The following CACNA2D3 variants were observed in gnomAD, a reference collection of about 807,000 sequenced individuals.
CACNA2D3 encodes calcium voltage-gated channel auxiliary subunit alpha2delta 3, also known as voltage-dependent calcium channel subunit alpha-2/delta-3.
In CACNA2D3, 60 loss-of-function variants were observed where a neutral mutation model predicts 160.6. The ratio of observed to expected loss-of-function variants is 0.37; its 90% confidence interval spans 0.30 to 0.46. CACNA2D3 has a LOEUF of 0.46. Ranked by LOEUF, CACNA2D3 falls within the 20% of genes least tolerant of loss-of-function variation. The pLI, the probability that CACNA2D3 is intolerant of heterozygous loss-of-function variation, is 1.00. For synonymous variants in CACNA2D3, 558 were observed against 492.9 expected, an observed-to-expected ratio of 1.13 and a Z score of -1.75; for missense variants, 1,205 against 1,365.0, an observed-to-expected ratio of 0.88 and a Z score of 1.85.
intron 9 of CACNA2D3, among the ~76,000 whole-genome samples, chr3:54,585,289 A>G (rs924084295): frequency 6.6e-6 from 1 of 152,210 alleles, no homozygotes; most frequent in Non-Finnish European, 1.5e-5. Flanking sequence ...TTCAGTGGAA[A>G]TGGTAAATAC....
rs181336922 is a variant in CACNA2D3 at position 54,580,537 on chromosome 3, T to C, written c.889-1266T>C. Among the ~76,000 whole-genome samples the C allele has an allele frequency of 3.2e-3, 488 of 152,268 alleles. 1 individual carries two copies. The highest frequency in any genetic ancestry group is 5.3e-3 in the Admixed American group (81 of 15,292). On this transcript the variant is annotated intron_variant, in intron 8 of 37. Coordinates refer to ENST00000474759, the MANE Select transcript of CACNA2D3 (RefSeq NM_018398.3). ...TAGCTGGGTCTGGGAGAGATGGTTC[T>C]GTTCTCTTCCCTCAGGAGCTCCGGG...
At chr3:54,853,872 G>A (rs982705543) in intron 17 of CACNA2D3, among the ~76,000 whole-genome samples, 8 of 151,956 alleles carry the variant, frequency 5.3e-5, no homozygotes, top group African/African-American at 9.7e-5. Context: ...CTATGGGGGT[G>A]GGGGGATGGG....
chr3:55,039,872 C>T (rs910593216), intron 35 of CACNA2D3, among the ~76,000 whole-genome samples: 7 of 152,276 alleles, frequency 4.6e-5, no homozygotes, highest in African/African-American at 1.7e-4. Context: ...AGTGCTCATG[C>T]TAATAGTTCT....
intron 31 of CACNA2D3, among the ~76,000 whole-genome samples, chr3:54,997,516 A>G (rs1413189391): frequency 6.6e-6 from 1 of 152,064 alleles, no homozygotes. Context: ...AGCTTGGGCA[A>G]CCACATCCAG....
At chr3:55,052,258 C>G (rs1456825975) in intron 35 of CACNA2D3, among the ~76,000 whole-genome samples, 2 of 152,116 alleles carry the variant, frequency 1.3e-5, no homozygotes, top group Non-Finnish European at 2.9e-5. Flanking sequence ...TTTTCTGTTA[C>G]TGATTTGGAG....
intron 9 of CACNA2D3, among the ~76,000 whole-genome samples, chr3:54,614,764 A>G (rs1031630750): frequency 6.6e-6 from 1 of 152,184 alleles, no homozygotes; most frequent in Non-Finnish European, 1.5e-5. Flanking sequence ...GCAGGAAGCT[A>G]TCAACTACTG....
chr3:55,018,812 G>A (rs1703384216), intron 35 of CACNA2D3, among the ~76,000 whole-genome samples: 1 of 151,876 alleles, frequency 6.6e-6, no homozygotes, highest in Admixed American at 6.6e-5. Flanking sequence ...ATTTCAATTG[G>A]ACAGTTCCCG....
At chr3:54,984,115 A>G (rs1454783622) in intron 29 of CACNA2D3, among the ~76,000 whole-genome samples, 3 of 152,184 alleles carry the variant, frequency 2.0e-5, no homozygotes, top group Non-Finnish European at 4.4e-5. Context: ...GTCTATGAAC[A>G]AATTAAAAAA....
intron 11 of CACNA2D3, among the ~76,000 whole-genome samples, chr3:54,742,617 G>A (rs1159948573): frequency 1.3e-5 from 2 of 152,118 alleles, no homozygotes; most frequent in African/African-American, 4.8e-5. Flanking sequence ...CTGTTACAAA[G>A]TGTAGGGAAA....
chr3:55,013,624 G>A (rs971684424), intron 34 of CACNA2D3, among the ~76,000 whole-genome samples: 3 of 152,034 alleles, frequency 2.0e-5, no homozygotes, highest in African/African-American at 2.4e-5. Flanking sequence ...CTTTGTTTTA[G>A]CTAAAAATGG....
At chr3:54,851,052 G>A (rs972364333) in intron 17 of CACNA2D3, among the ~76,000 whole-genome samples, 4 of 152,200 alleles carry the variant, frequency 2.6e-5, no homozygotes, top group Non-Finnish European at 5.9e-5. Flanking sequence ...GATACGATAC[G>A]TGTATCAGTA....
At chr3:54,941,944 A>G (rs182496015) in intron 27 of CACNA2D3, among the ~76,000 whole-genome samples, 1 of 152,228 alleles carries the variant, frequency 6.6e-6, no homozygotes, top group African/African-American at 2.4e-5. Flanking sequence ...TGAAATGGCA[A>G]TGACAGCTGC....
chr3:54,525,878 A>C (rs1701716076), intron 5 of CACNA2D3, among the ~76,000 whole-genome samples: 1 of 151,822 alleles, frequency 6.6e-6, no homozygotes, highest in Admixed American at 6.6e-5. Context: ...ATTATTTTTC[A>C]ATAATTTTAG....
At chr3:54,299,732 C>T (rs372599367) in intron 2 of CACNA2D3, among the ~76,000 whole-genome samples, 1 of 152,092 alleles carries the variant, frequency 6.6e-6, no homozygotes, top group Non-Finnish European at 1.5e-5. Context: ...ATTTGAAAAG[C>T]GTCCCCCGGG....
At chr3:54,139,756 A>T (rs1216123725) in intron 2 of CACNA2D3, among the ~76,000 whole-genome samples, 2 of 151,504 alleles carry the variant, frequency 1.3e-5, no homozygotes, top group African/African-American at 2.4e-5. Flanking sequence ...ACTGCCAAAT[A>T]AAAAAAAAGC....
chr3:54,476,541 C>T (rs1481560333), intron 4 of CACNA2D3, among the ~76,000 whole-genome samples: 2 of 152,040 alleles, frequency 1.3e-5, no homozygotes, highest in Non-Finnish European at 2.9e-5. Flanking sequence ...ACAAGGGTCC[C>T]TTTTCTCCCC....
At chr3:54,277,371 T>G (rs1443028508) in intron 2 of CACNA2D3, among the ~76,000 whole-genome samples, 1 of 152,246 alleles carries the variant, frequency 6.6e-6, no homozygotes, top group African/African-American at 2.4e-5. Flanking sequence ...CCAACACCAT[T>G]TATTAAATAG....
chr3:54,449,208 A>T (rs1180318138), intron 4 of CACNA2D3, among the ~76,000 whole-genome samples: 1 of 152,210 alleles, frequency 6.6e-6, no homozygotes, highest in African/African-American at 2.4e-5. Context: ...GAGTGAATGG[A>T]CAAACCACAA....
chr3:54,305,765 A>G (rs1353207836), intron 2 of CACNA2D3, among the ~76,000 whole-genome samples: 5 of 152,242 alleles, frequency 3.3e-5, no homozygotes, highest in Non-Finnish European at 5.9e-5. Flanking sequence ...GATGAGAAAA[A>G]AATGACATCT....
Sources: gnomAD v4.1 joint callset for allele counts (sites outside exome capture counted in the v4.1 genomes callset) on GRCh38, gnomAD v4.1.1 for gene constraint, MANE v1.5 for transcripts, NCBI Gene and HGNC (gene_info 2026-07-23, HGNC 2026-07-21) for gene names.